Variants in SPHKAP observed in about 807,000 individuals in gnomAD.
SPHKAP encodes the protein A-kinase anchor protein SPHKAP.
Under a neutral mutation model 137.5 loss-of-function variants are expected in SPHKAP, and 67 were observed. The observed-to-expected ratio is 0.49, with a 90% confidence interval of 0.40 to 0.60. SPHKAP has a LOEUF of 0.60. SPHKAP is among the 20% of genes least tolerant of loss of function. The probability of loss-of-function intolerance (pLI) is 0.00; values close to 1 mark genes in which losing one functional copy is unlikely to be tolerated. For missense variants in SPHKAP, 2,097 were observed against 2,069.3 expected, an observed-to-expected ratio of 1.01 and a Z score of -0.26; for synonymous variants, 813 against 785.3, an observed-to-expected ratio of 1.04 and a Z score of -0.59.
chr2:228,031,611 A>AC (rs1574774881), intron 3 of SPHKAP, among the ~76,000 whole-genome samples: 2 of 152,230 alleles, frequency 1.3e-5, no homozygotes, highest in Admixed American at 1.3e-4. Context: ...ACTCGGAGGC[A>AC]CCCCCCAGTA....
chr2:227,990,408 G>T (rs907795944), intron 11 of SPHKAP, among the ~76,000 whole-genome samples: 3 of 152,164 alleles, frequency 2.0e-5, no homozygotes, highest in African/African-American at 4.8e-5. Flanking sequence ...ACAGATTCAT[G>T]CCTTACTCTT....
intron 3 of SPHKAP, among the ~76,000 whole-genome samples, chr2:228,082,160 C>A (rs13010565): frequency 2.8e-4 from 43 of 152,198 alleles, no homozygotes; most frequent in Non-Finnish European, 2.6e-4. Flanking sequence ...TTGCCAGCTG[C>A]TTTTCTAGAA....
At chr2:228,106,827 G>A (rs988743189) in intron 3 of SPHKAP, among the ~76,000 whole-genome samples, 4 of 152,084 alleles carry the variant, frequency 2.6e-5, no homozygotes, top group Non-Finnish European at 5.9e-5. Context: ...CAGGGGATTT[G>A]GAAATTAAGA....
chr2:228,146,379 C>A (rs1043114929), intron 1 of SPHKAP, among the ~76,000 whole-genome samples: 2 of 152,146 alleles, frequency 1.3e-5, no homozygotes, highest in Non-Finnish European at 2.9e-5. Context: ...AGAGTATTTT[C>A]ACTGTCCTAA....
intron 1 of SPHKAP, among the ~76,000 whole-genome samples, chr2:228,152,190 G>A (rs1403997516): frequency 6.6e-6 from 1 of 152,146 alleles, no homozygotes; most frequent in African/African-American, 2.4e-5. Flanking sequence ...GGTTTCGGTT[G>A]TAGTATTCTA....
chr2:228,111,621 A>G (rs1698518981), intron 2 of SPHKAP, among the ~76,000 whole-genome samples: 2 of 152,152 alleles, frequency 1.3e-5, no homozygotes, highest in South Asian at 4.1e-4. Flanking sequence ...AATATGTTGA[A>G]GTTGTGCTAA....
In SPHKAP at chr2:228,181,611, C is replaced by A; in HGVS notation, c.-13G>T. On this transcript the variant is annotated 5_prime_UTR_variant, in exon 1 of 12. Transcript: ENST00000392056. This position sits in a 1 kb window ranked among gnomAD's most constrained non-coding sequence, Gnocchi z 4.3. ...AGTTGCCATCCATTGTTGGTGGGCG[C>A]CCAGAGAAGAAAGACGGAAAGTGCA... is the stretch of plus-strand genomic sequence containing the variant. 6.2e-7 allele frequency: 1 copy of A among 1,614,132 alleles called. No individual in the cohort carries two copies. Among genetic ancestry groups the A allele is most frequent in the East Asian group, 2.2e-5 (1 of 44,850 alleles).
intron 3 of SPHKAP, among the ~76,000 whole-genome samples, chr2:228,076,796 C>G (rs1697196804): frequency 1.3e-5 from 2 of 152,176 alleles, no homozygotes; most frequent in Non-Finnish European, 1.5e-5. Flanking sequence ...CAGCTGGCTG[C>G]AGAAATTTGC....
chr2:228,056,869 A>G (rs1696466289), intron 3 of SPHKAP, among the ~76,000 whole-genome samples: 1 of 152,190 alleles, frequency 6.6e-6, no homozygotes, highest in African/African-American at 2.4e-5. Flanking sequence ...TTGGCCTACC[A>G]GTGTTCCTGA....
chr2:228,120,744 G>C (rs1001494637), intron 2 of SPHKAP, among the ~76,000 whole-genome samples: 8 of 152,216 alleles, frequency 5.3e-5, no homozygotes, highest in African/African-American at 1.9e-4. Context: ...ACAGATGTCA[G>C]CTGGCTGAAG....
intron 3 of SPHKAP, among the ~76,000 whole-genome samples, chr2:228,101,658 G>A (rs1698186551): frequency 6.6e-6 from 1 of 152,150 alleles, no homozygotes; most frequent in Non-Finnish European, 1.5e-5. Context: ...TGCAGATAAG[G>A]AACCTGAGGC....
intron 1 of SPHKAP, among the ~76,000 whole-genome samples, chr2:228,143,045 AT>A (rs1299304665): frequency 6.6e-6 from 1 of 152,108 alleles, no homozygotes; most frequent in East Asian, 1.9e-4. Flanking sequence ...GAGATATTCA[AT>A]TTGTTATTCT....
intron 1 of SPHKAP, among the ~76,000 whole-genome samples, chr2:228,135,137 G>A (rs1253697699): frequency 2.0e-5 from 3 of 152,070 alleles, no homozygotes; most frequent in African/African-American, 4.8e-5. Flanking sequence ...AGCCGGGCAT[G>A]GTGGTGCATG....
rs924521069 is a variant in SPHKAP at position 228,093,879 on chromosome 2, A to C, written c.246+14953T>G. Among the ~76,000 whole-genome samples, 122 of 151,004 alleles carry C rather than the reference A, an allele frequency of 8.1e-4. 2 individuals are homozygous for C. Among genetic ancestry groups the C allele is most frequent in the African/African-American group, 2.7e-3 (112 of 41,264 alleles). On this transcript the variant is annotated intron_variant, in intron 3 of 11. Coordinates refer to ENST00000392056, the MANE Select transcript of SPHKAP (RefSeq NM_001142644.2). Reference sequence around the variant, plus strand: ...CGTTTCAAAAAAAAAAAAAAAAAAAAAAAAAAACAAAGCTATTGGGACAAG... The same window carrying C: ...CGTTTCAAAAAAAAAAAAAAAAAAACAAAAAAACAAAGCTATTGGGACAAG...
chr2:228,015,912 A>G (rs137989273), intron 7 of SPHKAP, among the ~76,000 whole-genome samples: 2 of 151,114 alleles, frequency 1.3e-5, no homozygotes, highest in African/African-American at 4.9e-5. Flanking sequence ...TATTTATTTG[A>G]CTGTTTTCAA....
intron 11 of SPHKAP, among the ~76,000 whole-genome samples, chr2:227,989,750 T>G (rs932598945): frequency 6.6e-5 from 10 of 150,444 alleles, no homozygotes; most frequent in African/African-American, 2.0e-4. Flanking sequence ...GGATTACAGG[T>G]GCCTGCCACC....
intron 11 of SPHKAP, among the ~76,000 whole-genome samples, chr2:227,986,649 T>C (rs1024121865): frequency 6.6e-6 from 1 of 152,194 alleles, no homozygotes; most frequent in Non-Finnish European, 1.5e-5. Flanking sequence ...TAAAATAGAA[T>C]AAGAAATTAG....
chr2:228,000,343 G>A (rs941993022), intron 7 of SPHKAP, among the ~76,000 whole-genome samples: 23 of 152,300 alleles, frequency 1.5e-4, no homozygotes, highest in African/African-American at 5.5e-4. Flanking sequence ...AGTCGGCCGG[G>A]CACGGTGGCT....
In SPHKAP at chr2:228,017,059, C is replaced by T. The variant is rs1574751304; in HGVS notation, c.3795G>A (p.Gln1265=). 2 of 1,614,068 alleles carry T rather than the reference C, an allele frequency of 1.2e-6. No individual in the cohort carries two copies. Among genetic ancestry groups the T allele is most frequent in the Non-Finnish European group, 1.7e-6 (2 of 1,180,020 alleles). Residue 1265 remains glutamine, a synonymous_variant, in exon 7 of 12, where the codon CAG becomes CAA. Coordinates refer to ENST00000392056, the MANE Select transcript of SPHKAP (RefSeq NM_001142644.2). ...IKANSLDGFA[Q]NCPQDFLSVQ... ...CGCTTAGGAAATCTTGTGGGCAGTT[C>T]TGAGCAAAGCCATCTAAAGAGTTGG...
Sources: allele counts gnomAD v4.1 joint callset (sites outside exome capture counted in the v4.1 genomes callset), GRCh38; gene constraint gnomAD v4.1.1; non-coding constraint Gnocchi (gnomAD v3.1); transcripts MANE v1.5; gene names NCBI Gene and HGNC (gene_info 2026-07-23, HGNC 2026-07-21).